The following ZNF14 variants were observed in gnomAD, a reference collection of about 807,000 sequenced individuals.
ZNF14 encodes the protein gonadotropin inducible transcription repressor-4.
A neutral mutation model predicts 11.3 loss-of-function variants in ZNF14; 9 were observed. The observed-to-expected ratio is 0.80, with a 90% CI of 0.48 to 1.39. The LOEUF is 1.39. Ranked by LOEUF, ZNF14 falls within the 40% of genes most tolerant of loss-of-function variation. ZNF14 has a pLI of 0.00. For synonymous variants in ZNF14, 239 were observed against 245.7 expected (o/e 0.97, Z 0.25); for missense variants, 711 against 763.9 (o/e 0.93, Z 0.82).
chr19:19,723,445 G>A (rs992018060), intron 1 of ZNF14, among the ~76,000 whole-genome samples: 1 of 152,158 alleles, frequency 6.6e-6, no homozygotes, highest in African/African-American at 2.4e-5. Flanking sequence ...CTTGATCATG[G>A]TGGATAAGCT....
intron 3 of ZNF14, among the ~76,000 whole-genome samples, chr19:19,713,878 T>C (rs1281620237): frequency 6.6e-6 from 1 of 151,910 alleles, no homozygotes; most frequent in Non-Finnish European, 1.5e-5. Flanking sequence ...CTATTGTGCC[T>C]GGCCAAAATA....
At chr19:19,732,909 G>T in intron 1 of ZNF14, 47 bp downstream of exon 1, 1 of 1,610,910 alleles carries the variant, frequency 6.2e-7, no homozygotes, top group Non-Finnish European at 8.5e-7. Context: ...GGCCACAGAC[G>T]GTTCCAACCA....
intron 3 of ZNF14, among the ~76,000 whole-genome samples, 176 bp downstream of exon 3, chr19:19,713,915 A>G (rs1360754460): frequency 1.3e-5 from 2 of 152,056 alleles, no homozygotes; most frequent in Non-Finnish European, 2.9e-5. Context: ...GGGTTTCTAA[A>G]TGCTATTTCG....
In ZNF14 at chr19:19,712,753, T is replaced by G; in HGVS notation, c.528A>C (p.Lys176Asn). ...VKPYECKQCG[K>N]AFIYYQPFQR... is the part of the protein sequence containing the mutation. ...GAAATGGCTGGTAATATATAAAGGC[T>G]TTCCCACACTGTTTACATTCATAGG... The change falls in exon 4 of 4, where the codon AAA (lysine) becomes AAC (asparagine). Residue 176 changes from lysine to asparagine, a missense_variant. Lys to Asn is a moderately conservative substitution (Grantham distance 94). Transcript: ENST00000344099. The G allele has an allele frequency of 6.2e-7, 1 of 1,613,576 alleles. No homozygotes were observed. Among genetic ancestry groups the G allele is most frequent in the African/African-American group, 1.3e-5 (1 of 74,994 alleles).
At chr19:19,721,163 A>T (rs1310474665) in intron 1 of ZNF14, among the ~76,000 whole-genome samples, 1 of 151,994 alleles carries the variant, frequency 6.6e-6, no homozygotes, top group Non-Finnish European at 1.5e-5. Context: ...TCACCATGTT[A>T]GTCAGGCTGG....
At position 19,723,789 on chromosome 19, in the gene ZNF14, A is replaced by G. The variant is rs1330857617; in HGVS notation, c.3+9167T>C. ...TGTTATTGGTCTATTCAGGGATTCA[A>G]CTTCTTCCTGGTTTAGTCTTGGGAG... On this transcript the variant is annotated intron_variant, in intron 1 of 3. Transcript: ENST00000344099. 3.0e-5 allele frequency among the ~76,000 whole-genome samples: 4 copies of G among 133,312 alleles called. 2 individuals are homozygous for G. In the East Asian group the frequency reaches 8.5e-4, roughly 28 times the overall value. The allele number at this position is 133,312 out of a possible 152,430, so 87.5% of individuals were successfully genotyped here. A position where few individuals can be genotyped will look rare whatever the true frequency, so the allele number is the denominator to read the frequency against.
intron 3 of ZNF14, among the ~76,000 whole-genome samples, chr19:19,713,621 G>C (rs9676945): frequency 0.01 from 1,529 of 151,950 alleles, 25 homozygotes; most frequent in African/African-American, 0.035. Flanking sequence ...GCTAATTTTT[G>C]TATTTTTAGT....
chr19:19,713,412 G>C lies in ZNF14; in HGVS notation c.192-323C>G, dbSNP rs946856006. Among the ~76,000 whole-genome samples, 25 of 151,702 alleles carry C rather than the reference G, an allele frequency of 1.6e-4. No individual in the cohort carries two copies. The East Asian group carries it at 4.5e-3, about 27-fold the overall frequency. On this transcript the variant is annotated intron_variant, in intron 3 of 3. Transcript: ENST00000344099. Reference sequence around the variant, plus strand: ...ACCAATCCTCCCATCTCAGCCTCCTGAGCAGGTGGGACTAGAGAGTGCCAC... The same window carrying C: ...ACCAATCCTCCCATCTCAGCCTCCTCAGCAGGTGGGACTAGAGAGTGCCAC...
At chr19:19,713,776 T>G (rs1463188542) in intron 3 of ZNF14, among the ~76,000 whole-genome samples, 1 of 136,236 alleles carries the variant, frequency 7.3e-6, no homozygotes, top group Non-Finnish European at 1.6e-5. Flanking sequence ...CCAGATGAGG[T>G]CTTGCTATAT....
chr19:19,712,180 T>C lies in ZNF14; in HGVS notation c.1101A>G (p.Arg367=). The C allele has an allele frequency of 6.2e-7, 1 of 1,614,082 alleles. No individual in the cohort carries two copies. The highest frequency in any genetic ancestry group is 1.1e-5 in the South Asian group (1 of 91,080). The change falls in exon 4 of 4, where the codon CGA becomes CGG. Residue 367 remains arginine (R), a synonymous_variant. Transcript: ENST00000344099. The stretch of plus-strand genomic sequence containing the variant: ...TGGACCAACTGAATGATTTGCCACA[T>C]CGTTTACATTCATATGGTTTTTCTC... The part of the protein sequence containing the change: ...HIGEKPYECK[R]CGKSFSWSIS...
intron 1 of ZNF14, among the ~76,000 whole-genome samples, chr19:19,718,755 T>G (rs1213333594): frequency 6.6e-6 from 1 of 152,100 alleles, no homozygotes; most frequent in African/African-American, 2.4e-5. Flanking sequence ...TATAAAAACA[T>G]AAAAGAATTA....
chr19:19,720,561 T>G lies in ZNF14; in HGVS notation c.4-6074A>C, dbSNP rs2062390443. 6.6e-6 allele frequency among the ~76,000 whole-genome samples: 1 copy of G among 152,144 alleles called. No homozygotes were observed. The highest frequency in any genetic ancestry group is 1.5e-5 in the Non-Finnish European group (1 of 68,024). On this transcript the variant is annotated intron_variant, in intron 1 of 3. Transcript: ENST00000344099. This position sits in a 1 kb window ranked among gnomAD's most constrained non-coding sequence, Gnocchi z 4.1. ...TTTCGCCATGTTGGCCAGGCTGGTC[T>G]CAAGGTCCTGACCTCAAGTGATCTG...
intron 1 of ZNF14, among the ~76,000 whole-genome samples, chr19:19,721,885 C>G (rs2145100399): frequency 6.6e-6 from 1 of 151,760 alleles, no homozygotes; most frequent in South Asian, 2.1e-4. Context: ...ATTGCTTGAA[C>G]CCAGGAGGCA....
chr19:19,730,585 T>C (rs1410881511), intron 1 of ZNF14, among the ~76,000 whole-genome samples: 1 of 152,230 alleles, frequency 6.6e-6, no homozygotes, highest in East Asian at 1.9e-4. Flanking sequence ...CTAAGCGAAG[T>C]ACTTATACTA....
At chr19:19,725,783 T>C (rs1277507776) in intron 1 of ZNF14, among the ~76,000 whole-genome samples, 1 of 133,764 alleles carries the variant, frequency 7.5e-6, no homozygotes, top group African/African-American at 2.8e-5. Flanking sequence ...TTCTTTTTAC[T>C]CTTTTTTTCT....
intron 1 of ZNF14, among the ~76,000 whole-genome samples, chr19:19,728,990 C>G (rs960691357): frequency 5.3e-5 from 8 of 152,102 alleles, no homozygotes; most frequent in Non-Finnish European, 1.0e-4. Context: ...TCTTTTCCCC[C>G]CGACAAGACG....
rs376382236 is a variant in ZNF14, at chr19:19,712,325, G to C, written c.956C>G (p.Ser319Cys). The C allele has an allele frequency of 1.2e-6, 2 of 1,613,918 alleles. No homozygotes were observed. Among genetic ancestry groups the C allele is most frequent in the East Asian group, 4.5e-5 (2 of 44,862 alleles). The change falls in exon 4 of 4, where the codon TCT becomes TGT. Residue 319 changes from serine to cysteine, a missense_variant. Coordinates refer to ENST00000344099, the MANE Select transcript of ZNF14 (RefSeq NM_021030.3). ...CKECGKAFFY[S>C]ASFRAHVIIH... ...TATTACATGTGCTCGAAAGCTTGCA[G>C]AATAAAAGAAGGCTTTTCCACATTC...
intron 1 of ZNF14, among the ~76,000 whole-genome samples, chr19:19,725,228 T>C (rs2062403621): frequency 7.5e-6 from 1 of 134,072 alleles, no homozygotes; most frequent in Non-Finnish European, 1.7e-5. Context: ...AGTTGTTCCC[T>C]TCCATGTTTA....
intron 3 of ZNF14, 73 bp from the exon 4 acceptor site, chr19:19,713,162 C>T: frequency 7.3e-7 from 1 of 1,372,132 alleles, no homozygotes; most frequent in Non-Finnish European, 9.9e-7. Context: ...ATGAGAATTA[C>T]ATTTTAACCA....
Sources: gnomAD v4.1 joint callset for allele counts (sites outside exome capture counted in the v4.1 genomes callset) on GRCh38, gnomAD v4.1.1 for gene constraint, Gnocchi (gnomAD v3.1) non-coding constraint, MANE v1.5 for transcripts, NCBI Gene and HGNC (gene_info 2026-07-23, HGNC 2026-07-21) for gene names.